The following SLC27A1 variants were observed in gnomAD, a reference collection of about 807,000 sequenced individuals.
The protein encoded by SLC27A1 is solute carrier family 27 member 1.
In SLC27A1, 61 loss-of-function variants were observed where a neutral mutation model predicts 62.2. That is an observed-to-expected ratio of 0.98 (90% CI 0.80 to 1.21). The LOEUF is 1.21. Among genes scored for constraint, SLC27A1 ranks in the 50% most tolerant of loss-of-function variants. The pLI is 0.00. For missense variants in SLC27A1, 903 were observed against 932.1 expected, an observed-to-expected ratio of 0.97 and a Z score of 0.41; for synonymous variants, 435 against 408.6, an observed-to-expected ratio of 1.06 and a Z score of -0.78.
Position 17,504,542 on chromosome 19 carries a change from A to G in SLC27A1, c.1871A>G (p.Lys624Arg), listed in dbSNP as rs146066172. The G allele has an allele frequency of 1.6e-5, 26 of 1,614,076 alleles. No homozygotes were observed. The African/African-American group carries it at 3.5e-4, about 22-fold the overall frequency. ...TSDRLFFLDL[K>R]QGHYLPLNEA... ...GACCGGCTCTTCTTCCTGGACCTGA[A>G]GCAGGGCCACTACCTGCCCTTAAAT... The change falls in exon 12 of 12, where the codon AAG (lysine) becomes AGG (arginine). Residue 624 changes from lysine to arginine, a missense_variant. Lys to Arg is a conservative substitution (Grantham distance 26). Transcript: ENST00000252595.
chr19:17,483,611 T>G (rs2075201078), intron 1 of SLC27A1, among the ~76,000 whole-genome samples: 1 of 152,002 alleles, frequency 6.6e-6, no homozygotes, highest in Non-Finnish European at 1.5e-5. Flanking sequence ...TTTTAGAAAT[T>G]GCGGATGCTC....
chr19:17,484,023 C>G (rs2075204850), intron 1 of SLC27A1: 1 of 152,400 alleles, frequency 6.6e-6, no homozygotes, highest in Non-Finnish European at 1.5e-5. Flanking sequence ...GAAGGGGTCT[C>G]TCTTCCCAGA....
chr19:17,486,707 G>C lies in SLC27A1; in HGVS notation c.312G>C (p.Trp104Cys). The change falls in exon 2 of 12, where the codon TGG becomes TGC. Residue 104 changes from tryptophan to cysteine, a missense_variant. Transcript: ENST00000252595. This position sits in a 1 kb window ranked among gnomAD's most constrained non-coding sequence, Gnocchi z 6.6. The part of the protein sequence containing the change: ...ALVDAGTGEC[W>C]TFAQLDAYSN... ...TGGATGCCGGGACCGGCGAGTGCTG[G>C]ACCTTTGCGCAGCTGGACGCCTACT... 1 of 1,612,132 alleles carries C rather than the reference G, an allele frequency of 6.2e-7. No individual in the cohort carries two copies. Among genetic ancestry groups the C allele is most frequent in the Non-Finnish European group, 8.5e-7 (1 of 1,179,622 alleles).
At chr19:17,479,320 G>A (rs780938440) in intron 1 of SLC27A1, among the ~76,000 whole-genome samples, 2 of 152,124 alleles carry the variant, frequency 1.3e-5, no homozygotes, top group African/African-American at 4.8e-5. Flanking sequence ...AGGCACAAAG[G>A]CCTGTCAGTG....
At position 17,497,270 on chromosome 19, in the gene SLC27A1, G is replaced by A. The variant is rs1257180921; in HGVS notation, c.1012G>A (p.Gly338Arg). The change falls in exon 7 of 12, where the codon GGG becomes AGG. Residue 338 changes from glycine to arginine, a missense_variant. Transcript: ENST00000252595. ...KYNCTVVQYIGEICRYLLKQP... is the reference protein window; with the variant it reads ...KYNCTVVQYIREICRYLLKQP... ...CGTCCCCCAGGTGGTTCAGTACATC[G>A]GGGAGATCTGCCGCTACCTGCTGAA... The A allele has an allele frequency of 6.2e-7, 1 of 1,603,434 alleles. No homozygotes were observed. The highest frequency in any genetic ancestry group is 1.8e-5 in the Admixed American group (1 of 56,858).
intron 6 of SLC27A1, among the ~76,000 whole-genome samples, chr19:17,490,749 C>T (rs2075286200): frequency 6.6e-6 from 1 of 152,022 alleles, no homozygotes; most frequent in Admixed American, 6.6e-5. Flanking sequence ...AAAATTTGGC[C>T]AGGCACAGTG....
chr19:17,501,171 A>T (rs572173263), intron 10 of SLC27A1, 102 bp from the exon 11 acceptor site: 2 of 1,474,020 alleles, frequency 1.4e-6, no homozygotes, highest in Non-Finnish European at 1.8e-6. Context: ...GTTGGGAGAG[A>T]CTGGAGATTA....
intron 6 of SLC27A1, chr19:17,489,725 G>C (rs919997482): frequency 2.0e-5 from 3 of 152,888 alleles, no homozygotes; most frequent in African/African-American, 7.2e-5. Context: ...GGCATCTGCT[G>C]TCCCGGAGAG....
intron 1 of SLC27A1, among the ~76,000 whole-genome samples, chr19:17,471,522 G>T (rs1266814116): frequency 6.6e-6 from 1 of 152,008 alleles, no homozygotes; most frequent in East Asian, 1.9e-4. Context: ...GCCGTTGGGG[G>T]TCCTTCTGGG....
intron 4 of SLC27A1, among the ~76,000 whole-genome samples, chr19:17,488,174 C>G (rs557348856): frequency 6.6e-6 from 1 of 152,118 alleles, no homozygotes. Context: ...TCCTGGCCAA[C>G]GTGGCGAAAC....
rs901907497 is a variant in SLC27A1 at position 17,472,949 on chromosome 19, C to T, written c.167+2242C>T. Among the ~76,000 whole-genome samples, 6 of 152,202 alleles carry T rather than the reference C, an allele frequency of 3.9e-5. No homozygotes were observed. In the East Asian group the frequency reaches 5.8e-4, roughly 15 times the overall value. On this transcript the variant is annotated intron_variant, in intron 1 of 11. Coordinates refer to ENST00000252595, the MANE Select transcript of SLC27A1 (RefSeq NM_198580.3). The stretch of plus-strand genomic sequence containing the variant: ...AGCTGGGACTACAAACGCCTGCCTC[C>T]GCTCCTGGATAGTTAATAGAATGTT...
chr19:17,488,701 G>T (rs2075262705), intron 4 of SLC27A1, 147 bp from the exon 5 acceptor site: 1 of 668,576 alleles, frequency 1.5e-6, no homozygotes, highest in African/African-American at 1.8e-5. Context: ...ACAATTGTTG[G>T]TTGCGTGTTT....
intron 4 of SLC27A1, among the ~76,000 whole-genome samples, chr19:17,488,555 A>C (rs983133360): frequency 2.7e-5 from 4 of 150,308 alleles, no homozygotes; most frequent in Non-Finnish European, 4.4e-5. Context: ...GCTCGCCCCC[A>C]CAGCTCTTTC....
Position 17,486,970 on chromosome 19 carries a change from G to A in SLC27A1, c.562+13G>A, listed in dbSNP as rs2144576870. On this transcript the variant is annotated intron_variant, in intron 2 of 11. Coordinates refer to ENST00000252595, the MANE Select transcript of SLC27A1 (RefSeq NM_198580.3). This position sits in a 1 kb window ranked among gnomAD's most constrained non-coding sequence, Gnocchi z 6.6. ...GAAATGGTGGCGGGTGAGGCCAGGC[G>A]TGGGCATCAGGTGGGCGGGGACCCA... is the stretch of plus-strand genomic sequence containing the variant. 2.6e-6 allele frequency: 4 copies of A among 1,557,960 alleles called. No homozygotes were observed. Among genetic ancestry groups the A allele is most frequent in the Non-Finnish European group, 3.5e-6 (4 of 1,158,332 alleles).
intron 11 of SLC27A1, 113 bp from the exon 12 acceptor site, chr19:17,504,342 C>G (rs1463120973): frequency 1.5e-6 from 2 of 1,336,294 alleles, no homozygotes; most frequent in Non-Finnish European, 1.0e-6. Flanking sequence ...GAAGAACATT[C>G]CTGCCCAGGG....
rs774623095 is a variant in SLC27A1, at chr19:17,488,895, C to T, written c.842C>T (p.Ala281Val). The change falls in exon 5 of 12, where the codon GCG becomes GTG. Residue 281 changes from alanine (A) to valine (V), a missense_variant. Physicochemically the swap from Ala to Val is moderately conservative, Grantham distance 64 (BLOSUM62 0). Transcript: ENST00000252595. ...AFGHHAYRMQ[A>V]ADVLYDCLPL... ...GGCCACCACGCCTACCGCATGCAGG[C>T]GGCTGACGTGCTCTATGACTGCCTG... 5 of 1,614,114 alleles carry T rather than the reference C, an allele frequency of 3.1e-6. No homozygotes were observed. Among genetic ancestry groups the T allele is most frequent in the Middle Eastern group, 1.7e-4 (1 of 6,046 alleles).
intron 1 of SLC27A1, among the ~76,000 whole-genome samples, chr19:17,478,801 G>T (rs532526799): frequency 4.6e-5 from 7 of 151,936 alleles, no homozygotes; most frequent in Non-Finnish European, 7.4e-5. Context: ...AGGTTGCAGT[G>T]AGCGGAGGTT....
Position 17,487,464 on chromosome 19 carries a change from T to C in SLC27A1, c.729T>C (p.Arg243=). ...AQIPSKGMDD[R]LFYIYTSGTT... is the part of the protein sequence containing the mutation. ...TAACACCTGTATCTCCTGCAGATCGTCTTTTCTACATCTACACGTCGGGGA... is the reference window on the plus strand; with the variant it reads ...TAACACCTGTATCTCCTGCAGATCGCCTTTTCTACATCTACACGTCGGGGA... Residue 243 remains arginine, a synonymous_variant, in exon 4 of 12, where the codon CGT becomes CGC. Coordinates refer to ENST00000252595, the MANE Select transcript of SLC27A1 (RefSeq NM_198580.3). The C allele has an allele frequency of 6.3e-7, 1 of 1,588,780 alleles. No individual in the cohort carries two copies. The highest frequency in any genetic ancestry group is 2.2e-4 in the Middle Eastern group (1 of 4,650).
At chr19:17,476,307 G>A (rs567675748) in intron 1 of SLC27A1, among the ~76,000 whole-genome samples, 8 of 152,172 alleles carry the variant, frequency 5.3e-5, no homozygotes, top group East Asian at 1.9e-4. Context: ...AGGCTGAGGC[G>A]GGCTGATCAC....
Sources: allele counts gnomAD v4.1 joint callset (sites outside exome capture counted in the v4.1 genomes callset), GRCh38; gene constraint gnomAD v4.1.1; non-coding constraint Gnocchi (gnomAD v3.1); transcripts MANE v1.5; gene names NCBI Gene and HGNC (gene_info 2026-07-23, HGNC 2026-07-21).